The following TCERG1L variants were observed in gnomAD, a reference collection of about 807,000 sequenced individuals.
The protein encoded by TCERG1L is transcription elongation regulator 1-like protein.
In TCERG1L, 37 loss-of-function variants were observed where a neutral mutation model predicts 56.3. The observed-to-expected ratio is 0.66, with a 90% confidence interval of 0.51 to 0.87. TCERG1L has a LOEUF of 0.87. Ranked by LOEUF, TCERG1L falls within the 40% of genes least tolerant of loss-of-function variation. TCERG1L has a pLI of 0.00. For missense variants in TCERG1L, 799 were observed against 774.2 expected, an observed-to-expected ratio of 1.03 and a Z score of -0.38; for synonymous variants, 324 against 326.3, an observed-to-expected ratio of 0.99 and a Z score of 0.08.
intron 4 of TCERG1L, among the ~76,000 whole-genome samples, chr10:131,187,333 C>T (rs1163549768): frequency 4.6e-5 from 7 of 152,186 alleles, no homozygotes; most frequent in African/African-American, 7.2e-5. Context: ...GAGTCAGAGA[C>T]CAAGCTAATC....
In TCERG1L at chr10:131,160,966, G is replaced by A. The variant is rs566065912; in HGVS notation, c.1034+2156C>T. On this transcript the variant is annotated intron_variant, in intron 6 of 11. Coordinates refer to ENST00000368642, the MANE Select transcript of TCERG1L (RefSeq NM_174937.4). ...GTGTGAGGATTCCACAGGGTCTTGG[G>A]GAACGTTTCCCCATCCTGCAGCGTG... 2.0e-5 allele frequency: 3 copies of A among 152,290 alleles called. No individual in the cohort carries two copies. In the South Asian group the frequency reaches 6.2e-4, roughly 32 times the overall value. The allele number at this position is 152,290 out of a possible 1,614,324, so 9.4% of individuals were successfully genotyped here.
chr10:131,216,126 A>G (rs541650700), intron 4 of TCERG1L, among the ~76,000 whole-genome samples: 1 of 152,220 alleles, frequency 6.6e-6, no homozygotes, highest in Non-Finnish European at 1.5e-5. Context: ...ACAGTTTCAC[A>G]TTAGCAAAAT....
In TCERG1L at chr10:131,311,522, G is replaced by A. The variant is rs921635831; in HGVS notation, c.114C>T (p.Pro38=). ...CCGAGCCCGGCACCATCCAGACCCA[G>A]GGCGGCGGCGGCGGCGGCTCTGCGT... is the stretch of plus-strand genomic sequence containing the variant. ...PMDAEPPPPP[P]WVWMVPGSAG... The change falls in exon 1 of 12, where the codon CCC becomes CCT. Residue 38 remains proline (P), a synonymous_variant. Coordinates refer to ENST00000368642, the MANE Select transcript of TCERG1L (RefSeq NM_174937.4). This position sits in a 1 kb window ranked among gnomAD's most constrained non-coding sequence, Gnocchi z 4.0. 1.2e-5 allele frequency: 15 copies of A among 1,200,386 alleles called. No homozygotes were observed. The African/African-American group carries it at 2.4e-4, about 19-fold the overall frequency. 74.4% of individuals were successfully genotyped at this position (1,200,386 alleles called of 1,614,324 possible).
chr10:131,259,561 G>A (rs546097146), intron 4 of TCERG1L, among the ~76,000 whole-genome samples: 13 of 152,292 alleles, frequency 8.5e-5, no homozygotes, highest in Admixed American at 2.0e-4. Context: ...CTGTGAACAC[G>A]CAGGGACAAC....
intron 6 of TCERG1L, among the ~76,000 whole-genome samples, chr10:131,153,826 C>T (rs772343915): frequency 2.0e-4 from 31 of 152,092 alleles, no homozygotes; most frequent in Admixed American, 3.9e-4. Context: ...AGGAGGAGGC[C>T]GAGTGACGGC....
intron 3 of TCERG1L, among the ~76,000 whole-genome samples, chr10:131,265,212 A>G (rs185910114): frequency 3.0e-4 from 46 of 152,334 alleles, no homozygotes; most frequent in African/African-American, 1.1e-3. Context: ...TGTGTTTACC[A>G]CCATGTGATT....
chr10:131,169,369 A>G (rs1362057862), intron 4 of TCERG1L, among the ~76,000 whole-genome samples: 1 of 152,116 alleles, frequency 6.6e-6, no homozygotes, highest in Non-Finnish European at 1.5e-5. Flanking sequence ...CCCCTGACTG[A>G]GGCACAAGGG....
At position 131,146,584 on chromosome 10, in the gene TCERG1L, T is replaced by C. The variant is rs754180260; in HGVS notation, c.1111A>G (p.Met371Val). 10 of 1,613,896 alleles carry C rather than the reference T, an allele frequency of 6.2e-6. No homozygotes were observed. The highest frequency in any genetic ancestry group is 3.3e-5 in the Admixed American group (2 of 60,002). ...TMHLSVWEKP[M>V]DLKDRGDLNR... ...AGGTCTCCGCGGTCCTTCAGGTCCA[T>C]GGGCTTCTCCCAGACAGACAGGTGC... The change falls in exon 7 of 12, where the codon ATG (methionine) becomes GTG (valine). Residue 371 changes from methionine (M) to valine (V), a missense_variant. Met to Val is a conservative substitution (Grantham distance 21, BLOSUM62 1). Transcript: ENST00000368642.
intron 4 of TCERG1L, among the ~76,000 whole-genome samples, chr10:131,251,370 C>T (rs568543429): frequency 3.3e-5 from 5 of 150,666 alleles, no homozygotes; most frequent in South Asian, 2.1e-4. Flanking sequence ...TCCTTCATTG[C>T]GAATCCTTGC....
chr10:131,143,644 G>T (rs1244009370), intron 7 of TCERG1L, among the ~76,000 whole-genome samples: 10 of 152,168 alleles, frequency 6.6e-5, no homozygotes, highest in Non-Finnish European at 1.5e-5. Flanking sequence ...GACAGCGAGA[G>T]AACCACGCCT....
chr10:131,276,092 A>T (rs1846389635), intron 3 of TCERG1L, among the ~76,000 whole-genome samples: 1 of 152,160 alleles, frequency 6.6e-6, no homozygotes, highest in African/African-American at 2.4e-5. Flanking sequence ...TGGCTGCTAG[A>T]CAGCATTCTC....
In TCERG1L at chr10:131,112,964, C is replaced by T. The variant is rs1357321634; in HGVS notation, c.1395+3835G>A. On this transcript the variant is annotated intron_variant, in intron 9 of 11. Coordinates refer to ENST00000368642, the MANE Select transcript of TCERG1L (RefSeq NM_174937.4). ...TAGAGGTGGGAGTGGCCAGCACAGGCAGAGTTCCCGTGAGTCCAGGTGGCC... is the reference window on the plus strand; with the variant it reads ...TAGAGGTGGGAGTGGCCAGCACAGGTAGAGTTCCCGTGAGTCCAGGTGGCC... 2.8e-5 allele frequency among the ~76,000 whole-genome samples: 4 copies of T among 142,290 alleles called. 1 individual carries two copies. Among genetic ancestry groups the T allele is most frequent in the Non-Finnish European group, 6.3e-5 (4 of 63,184 alleles). The allele number at this position is 142,290 out of a possible 152,430, so 93.3% of individuals were successfully genotyped here. A position where few individuals can be genotyped will look rare whatever the true frequency, so the allele number is the denominator to read the frequency against.
rs113201672 is a variant in TCERG1L, at chr10:131,260,168, C to T, written c.856+91G>A. ...CGGAGCCGGGCTTCAGGTCCCACAG[C>T]GCCTGGGCCCAGGCCAGGGGCATCT... On this transcript the variant is annotated intron_variant, in intron 4 of 11. Transcript: ENST00000368642. This position sits in a 1 kb window ranked among gnomAD's most constrained non-coding sequence, Gnocchi z 5.8. 0.023 allele frequency: 28,922 copies of T among 1,244,770 alleles called. 395 individuals are homozygous for T. The highest frequency in any genetic ancestry group is 0.025 in the Non-Finnish European group (24,749 of 994,102). The allele number at this position is 1,244,770 out of a possible 1,614,324, so 77.1% of individuals were successfully genotyped here.
At chr10:131,124,985 C>T (rs1845549814) in intron 8 of TCERG1L, among the ~76,000 whole-genome samples, 1 of 152,226 alleles carries the variant, frequency 6.6e-6, no homozygotes, top group African/African-American at 2.4e-5. Flanking sequence ...TGATGGCTCA[C>T]TGTGTCAAAC....
At chr10:131,115,081 C>T (rs1366839939) in intron 9 of TCERG1L, among the ~76,000 whole-genome samples, 6 of 152,272 alleles carry the variant, frequency 3.9e-5, no homozygotes, top group Non-Finnish European at 7.3e-5. Context: ...ACCCTGCTCC[C>T]AGGCAGGGCT....
intron 8 of TCERG1L, among the ~76,000 whole-genome samples, chr10:131,121,221 G>C (rs553349153): frequency 6.6e-6 from 1 of 152,204 alleles, no homozygotes; most frequent in Non-Finnish European, 1.5e-5. Flanking sequence ...GTGATGTGGG[G>C]AAAGTGCTGA....
intron 6 of TCERG1L, among the ~76,000 whole-genome samples, chr10:131,147,371 C>T (rs1845808001): frequency 6.6e-6 from 1 of 152,180 alleles, no homozygotes; most frequent in African/African-American, 2.4e-5. Context: ...AAAAAAGTCC[C>T]TCCCTAAGGA....
At chr10:131,157,781 C>T (rs988382047) in intron 6 of TCERG1L, among the ~76,000 whole-genome samples, 12 of 152,324 alleles carry the variant, frequency 7.9e-5, no homozygotes, top group African/African-American at 2.4e-4. Flanking sequence ...TGAAAGTAAA[C>T]GCACTGTCTT....
intron 9 of TCERG1L, among the ~76,000 whole-genome samples, chr10:131,107,396 A>G (rs909499262): frequency 6.6e-6 from 1 of 152,224 alleles, no homozygotes; most frequent in African/African-American, 2.4e-5. Flanking sequence ...ATCTCTATAG[A>G]AGGTCAGATA....
Sources: allele counts gnomAD v4.1 joint callset (sites outside exome capture counted in the v4.1 genomes callset), GRCh38; gene constraint gnomAD v4.1.1; non-coding constraint Gnocchi (gnomAD v3.1); transcripts MANE v1.5; gene names NCBI Gene and HGNC (gene_info 2026-07-23, HGNC 2026-07-21).